COG6: variants seen among roughly 807,000 people sequenced by gnomAD.
The protein encoded by COG6 is component of oligomeric golgi complex 6, also known as conserved oligomeric Golgi complex subunit 6.
A neutral mutation model predicts 88.8 loss-of-function variants in COG6; 74 were observed. The observed-to-expected ratio is 0.83, with a 90% confidence interval of 0.69 to 1.01. The LOEUF (loss-of-function observed/expected upper bound fraction) is 1.01, where lower values mean the gene tolerates loss of function less well. COG6 is among the 50% of genes least tolerant of loss of function. The probability of loss-of-function intolerance (pLI) is 0.00; values close to 1 mark genes in which losing one functional copy is unlikely to be tolerated. For synonymous variants in COG6, 286 were observed against 278.7 expected, an observed-to-expected ratio of 1.03 and a Z score of -0.26; for missense variants, 800 against 797.9, an observed-to-expected ratio of 1.00 and a Z score of -0.03.
At chr13:39,686,832 T>G (rs1035354696) in intron 8 of COG6, among the ~76,000 whole-genome samples, 1 of 152,048 alleles carries the variant, frequency 6.6e-6, no homozygotes, top group African/African-American at 2.4e-5. Context: ...CGGGCTCAAG[T>G]GATCCCCCTA....
chr13:39,777,541 AC>A (rs1881501440), intron 18 of COG6, among the ~76,000 whole-genome samples: 1 of 152,140 alleles, frequency 6.6e-6, no homozygotes, highest in African/African-American at 2.4e-5. Context: ...TTGGTGGAAA[AC>A]TTGAACTTTG....
chr13:39,768,893 C>G (rs867522545), intron 18 of COG6, among the ~76,000 whole-genome samples: 4 of 152,102 alleles, frequency 2.6e-5, no homozygotes, highest in African/African-American at 9.7e-5. Context: ...GAATTTTGCC[C>G]TGACCTTTCA....
intron 18 of COG6, among the ~76,000 whole-genome samples, chr13:39,769,744 T>C (rs757710895): frequency 1.3e-5 from 2 of 151,992 alleles, no homozygotes; most frequent in African/African-American, 2.4e-5. Context: ...GGGCCTTCGG[T>C]TGGTGATTAG....
At chr13:39,667,478 T>G (rs1051550098) in intron 4 of COG6, among the ~76,000 whole-genome samples, 1 of 152,210 alleles carries the variant, frequency 6.6e-6, no homozygotes, top group African/African-American at 2.4e-5. Flanking sequence ...TTTATCTTGT[T>G]GATATTGTCA....
chr13:39,663,603 A>C (rs1875051183), intron 3 of COG6, among the ~76,000 whole-genome samples: 1 of 152,170 alleles, frequency 6.6e-6, no homozygotes, highest in Admixed American at 6.5e-5. Flanking sequence ...CCATTCCTTA[A>C]AAGTCAGTGA....
At chr13:39,780,225 G>A (rs1035041682) in intron 18 of COG6, among the ~76,000 whole-genome samples, 1 of 152,166 alleles carries the variant, frequency 6.6e-6, no homozygotes, top group Non-Finnish European at 1.5e-5. Context: ...TTTCAAAAAG[G>A]GAAAAGAAGA....
At chr13:39,693,719 C>G (rs1263873671) in intron 11 of COG6, among the ~76,000 whole-genome samples, 1 of 151,830 alleles carries the variant, frequency 6.6e-6, no homozygotes, top group Non-Finnish European at 1.5e-5. Context: ...TTTTCATATG[C>G]AGATATAAAA....
chr13:39,738,043 G>A (rs1357084497), intron 18 of COG6, among the ~76,000 whole-genome samples: 3 of 152,132 alleles, frequency 2.0e-5, no homozygotes, highest in Non-Finnish European at 2.9e-5. Context: ...TTAGGGGAAG[G>A]ATGGTGTAGG....
chr13:39,715,477 C>T (rs1451979274), intron 13 of COG6, among the ~76,000 whole-genome samples: 3 of 151,846 alleles, frequency 2.0e-5, no homozygotes, highest in Non-Finnish European at 2.9e-5. Context: ...TGACACATAA[C>T]GTGTTTGCTC....
intron 18 of COG6, among the ~76,000 whole-genome samples, chr13:39,743,622 A>C (rs890869054): frequency 2.0e-5 from 3 of 152,092 alleles, no homozygotes; most frequent in African/African-American, 7.2e-5. Flanking sequence ...ATAGCCTACC[A>C]ACCAAAAAAA....
At chr13:39,711,834 T>A (rs77550126) in intron 13 of COG6, among the ~76,000 whole-genome samples, 2 of 152,142 alleles carry the variant, frequency 1.3e-5, no homozygotes, top group Admixed American at 1.3e-4. Context: ...TACACACACC[T>A]GTACACATGA....
intron 13 of COG6, among the ~76,000 whole-genome samples, chr13:39,707,629 C>T (rs1458411315): frequency 6.6e-6 from 1 of 152,146 alleles, no homozygotes; most frequent in East Asian, 1.9e-4. Flanking sequence ...TCTTGTTTTG[C>T]CTGCTATTAA....
At chr13:39,767,482 G>T (rs74600853) in intron 18 of COG6, among the ~76,000 whole-genome samples, 2,333 of 152,242 alleles carry the variant, frequency 0.015, 67 homozygotes, top group African/African-American at 0.053. Flanking sequence ...TTCTTACTGG[G>T]GGCATTGATG....
chr13:39,679,067 C>T (rs1378382833), intron 5 of COG6, among the ~76,000 whole-genome samples: 12 of 152,248 alleles, frequency 7.9e-5, no homozygotes, highest in Non-Finnish European at 1.5e-5. Context: ...GCATCTGTCA[C>T]CTCCTATATA....
At chr13:39,676,573 C>T (rs1875979487) in intron 4 of COG6, among the ~76,000 whole-genome samples, 1 of 151,984 alleles carries the variant, frequency 6.6e-6, no homozygotes, top group African/African-American at 2.4e-5. Context: ...AATTTAAAAC[C>T]TCCATCCCAA....
intron 8 of COG6, among the ~76,000 whole-genome samples, chr13:39,684,501 C>T (rs1174983269): frequency 2.0e-5 from 3 of 151,852 alleles, no homozygotes; most frequent in Non-Finnish European, 2.9e-5. Flanking sequence ...CCACCCGCCT[C>T]GGCCTCCCAA....
rs2138148025 is a variant in COG6, at chr13:39,751,046, A to G, written c.1927A>G (p.Asn643Asp). Reference sequence around the variant, plus strand: ...AATCAATGAATACAAAGATCCAGAGAACATTCTTCACCGATCGCCGCAGCA... The same window carrying G: ...AATCAATGAATACAAAGATCCAGAGGACATTCTTCACCGATCGCCGCAGCA... ...NPINEYKDPE[N>D]ILHRSPQQVQ... Residue 643 changes from asparagine (N) to aspartate (D), a missense_variant, in exon 19 of 19, where the codon AAC (asparagine) becomes GAC (aspartate). Coordinates refer to ENST00000455146, the MANE Select transcript of COG6 (RefSeq NM_020751.3). 2 of 1,613,762 alleles carry G rather than the reference A, an allele frequency of 1.2e-6. No homozygotes were observed. Among genetic ancestry groups the G allele is most frequent in the East Asian group, 2.2e-5 (1 of 44,812 alleles).
In COG6 at chr13:39,786,915, T is replaced by C. The variant is rs186584574; in HGVS notation, c.1827-1420T>C. On this transcript the variant is annotated intron_variant, in intron 18 of 18. Transcript: ENST00000416691. ...TCCATAATACAATAACTATACATTA[T>C]TAAGAAAGATTTGCATCTGAAATGC... Among the ~76,000 whole-genome samples the C allele has an allele frequency of 1.5e-3, 231 of 152,308 alleles. 1 individual carries two copies. Among genetic ancestry groups the C allele is most frequent in the Non-Finnish European group, 2.9e-3 (195 of 68,042 alleles).
intron 18 of COG6, among the ~76,000 whole-genome samples, chr13:39,777,887 T>A (rs1881511574): frequency 6.6e-6 from 1 of 152,228 alleles, no homozygotes; most frequent in African/African-American, 2.4e-5. Context: ...CTGGGAAGAC[T>A]AATGTGCTCC....
Sources: gnomAD v4.1 joint callset for allele counts (sites outside exome capture counted in the v4.1 genomes callset) on GRCh38, gnomAD v4.1.1 for gene constraint, MANE v1.5 for transcripts, NCBI Gene and HGNC (gene_info 2026-07-23, HGNC 2026-07-21) for gene names.